Variants in PDE1C observed in about 807,000 individuals in gnomAD.
PDE1C encodes dual specificity calcium/calmodulin-dependent 3',5'-cyclic nucleotide phosphodiesterase 1C.
PDE1C carries 62 observed loss-of-function variants against 93.1 expected under a neutral mutation model. The ratio of observed to expected loss-of-function variants is 0.67; its 90% CI spans 0.54 to 0.82. PDE1C has a LOEUF of 0.82. Ranked by LOEUF, PDE1C falls within the 40% of genes least tolerant of loss-of-function variation. The pLI, the probability that PDE1C is intolerant of heterozygous loss-of-function variation, is 0.00. For missense variants in PDE1C, 742 were observed against 884.6 expected, an observed-to-expected ratio of 0.84 and a Z score of 2.04; for synonymous variants, 325 against 310.1, an observed-to-expected ratio of 1.05 and a Z score of -0.50.
At chr7:32,087,332 A>C (rs952517090) in intron 3 of PDE1C, among the ~76,000 whole-genome samples, 1 of 152,138 alleles carries the variant, frequency 6.6e-6, no homozygotes, top group Non-Finnish European at 1.5e-5. Flanking sequence ...AATGGCAATC[A>C]TTAAAAAGTC....
At chr7:31,840,803 C>T (rs1791764845) in intron 9 of PDE1C, among the ~76,000 whole-genome samples, 1 of 152,100 alleles carries the variant, frequency 6.6e-6, no homozygotes, top group South Asian at 2.1e-4. Flanking sequence ...TGAAATGCTG[C>T]CTTGAATACT....
chr7:31,791,610 G>A (rs1298708252), intron 16 of PDE1C, among the ~76,000 whole-genome samples: 1 of 152,078 alleles, frequency 6.6e-6, no homozygotes, highest in African/African-American at 2.4e-5. Flanking sequence ...GATGTCCCCA[G>A]ACCCTCAAAT....
chr7:32,290,550 G>A (rs1472073123), intron 1 of PDE1C, among the ~76,000 whole-genome samples: 1 of 152,172 alleles, frequency 6.6e-6, no homozygotes, highest in East Asian at 1.9e-4. Context: ...GGCCTCAGGG[G>A]TCACAGAGGT....
In PDE1C at chr7:32,061,499, G is replaced by A. The variant is rs139411841; in HGVS notation, c.101+8794C>T. 4.4e-3 allele frequency among the ~76,000 whole-genome samples: 670 copies of A among 152,352 alleles called. 7 individuals are homozygous for A. Among genetic ancestry groups the A allele is most frequent in the African/African-American group, 0.015 (623 of 41,590 alleles). On this transcript the variant is annotated intron_variant, in intron 1 of 17. Coordinates refer to ENST00000396191, the MANE Select transcript of PDE1C (RefSeq NM_001191057.4). ...TCAATGGAGCCTAAACTGCAGAAAGGCCTCTTGCCAGAGCCAGAGAGCCTC... is the reference window on the plus strand; with the variant it reads ...TCAATGGAGCCTAAACTGCAGAAAGACCTCTTGCCAGAGCCAGAGAGCCTC...
chr7:32,103,739 A>C (rs2128751346), intron 3 of PDE1C, among the ~76,000 whole-genome samples: 1 of 152,342 alleles, frequency 6.6e-6, no homozygotes, highest in Middle Eastern at 3.4e-3. Flanking sequence ...AAAAACAAAT[A>C]ACAAAAAGGA....
At chr7:32,365,034 G>A (rs1446632780) in intron 1 of PDE1C, among the ~76,000 whole-genome samples, 1 of 152,236 alleles carries the variant, frequency 6.6e-6, no homozygotes, top group South Asian at 2.1e-4. Context: ...CATGGTCCCA[G>A]TCCAGCAGAG....
chr7:31,745,083 G>C, the PDE1C span, among the ~76,000 whole-genome samples: 1 of 152,114 alleles, frequency 6.6e-6, no homozygotes, highest in Non-Finnish European at 1.5e-5. Flanking sequence ...CAGCACAACA[G>C]AGCATTAAGA....
chr7:32,140,260 G>A (rs1288508204), intron 3 of PDE1C, among the ~76,000 whole-genome samples: 1 of 152,156 alleles, frequency 6.6e-6, no homozygotes, highest in Admixed American at 6.5e-5. Flanking sequence ...AAGTTACAGT[G>A]GTCACCTGAC....
intron 3 of PDE1C, among the ~76,000 whole-genome samples, chr7:32,161,759 G>A (rs551813241): frequency 6.6e-6 from 1 of 152,288 alleles, no homozygotes; most frequent in Non-Finnish European, 1.5e-5. Context: ...GCTCCAGAAA[G>A]AGTGTCCCGC....
chr7:32,205,847 G>T (rs1805429996), intron 2 of PDE1C, among the ~76,000 whole-genome samples: 2 of 152,052 alleles, frequency 1.3e-5, no homozygotes, highest in Non-Finnish European at 2.9e-5. Flanking sequence ...CTTCACCCCT[G>T]GAGTCATTAA....
intron 15 of PDE1C, among the ~76,000 whole-genome samples, chr7:31,814,956 G>C (rs1306128624): frequency 6.6e-6 from 1 of 151,632 alleles, no homozygotes; most frequent in East Asian, 1.9e-4. Flanking sequence ...GCAAGCTCTG[G>C]AGACTCAGAA....
At chr7:31,830,630 A>G (rs749161207) in intron 11 of PDE1C, among the ~76,000 whole-genome samples, 1 of 152,092 alleles carries the variant, frequency 6.6e-6, no homozygotes, top group Non-Finnish European at 1.5e-5. Context: ...TGTTCACCAC[A>G]TCCCTATTCT....
intron 15 of PDE1C, among the ~76,000 whole-genome samples, chr7:31,813,195 C>T (rs770749275): frequency 2.0e-5 from 3 of 152,100 alleles, no homozygotes; most frequent in Non-Finnish European, 4.4e-5. Context: ...TTTCTCACCA[C>T]CCCTTACATG....
intron 16 of PDE1C, among the ~76,000 whole-genome samples, chr7:31,791,756 CCTGG>C (rs1784620620): frequency 6.6e-6 from 1 of 152,072 alleles, no homozygotes; most frequent in African/African-American, 2.4e-5. Context: ...GTGAGCCTCA[CCTGG>C]CCAACAAGGA....
intron 1 of PDE1C, among the ~76,000 whole-genome samples, chr7:32,224,041 A>G (rs532805449): frequency 6.6e-6 from 1 of 152,200 alleles, no homozygotes; most frequent in East Asian, 1.9e-4. Context: ...GCAGGCTCCT[A>G]TCCCTTGGCA....
chr7:31,880,832 T>G lies in PDE1C; in HGVS notation c.157A>C (p.Arg53=). 6.2e-7 allele frequency: 1 copy of G among 1,610,400 alleles called. No homozygotes were observed. The highest frequency in any genetic ancestry group is 1.3e-5 in the African/African-American group (1 of 74,962). Residue 53 remains arginine (R), a synonymous_variant, in exon 3 of 18, where the codon AGA becomes CGA. Transcript: ENST00000396191. The part of the protein sequence containing the change: ...RLRSLVKQLE[R]GEASVVDLKK... Reference sequence around the variant, plus strand: ...AGATCTACCACTGAAGCTTCCCCTCTCTCTAATTGTTTGACCAAAGACCGT... The same window carrying G: ...AGATCTACCACTGAAGCTTCCCCTCGCTCTAATTGTTTGACCAAAGACCGT...
At chr7:32,094,444 T>A (rs10246484) in intron 3 of PDE1C, among the ~76,000 whole-genome samples, 3 of 152,098 alleles carry the variant, frequency 2.0e-5, no homozygotes, top group Admixed American at 6.5e-5. Context: ...GTATGTGGAT[T>A]TTTACTACTT....
chr7:32,426,921 G>A (rs968978333), intron 1 of PDE1C, among the ~76,000 whole-genome samples: 1 of 152,066 alleles, frequency 6.6e-6, no homozygotes, highest in African/African-American at 2.4e-5. Flanking sequence ...ATTTGCTTGG[G>A]GTGAAGTGAG....
At chr7:31,983,939 G>A (rs917329870) in intron 2 of PDE1C, among the ~76,000 whole-genome samples, 3 of 152,180 alleles carry the variant, frequency 2.0e-5, no homozygotes, top group African/African-American at 7.2e-5. Context: ...GGAGAGATGT[G>A]GGGTGGAGTA....
Sources: gnomAD v4.1 joint callset for allele counts (sites outside exome capture counted in the v4.1 genomes callset) on GRCh38, gnomAD v4.1.1 for gene constraint, MANE v1.5 for transcripts, NCBI Gene and HGNC (gene_info 2026-07-23, HGNC 2026-07-21) for gene names.